Variants in AGBL2 observed in about 807,000 individuals in gnomAD.
AGBL2 encodes the protein AGBL carboxypeptidase 2.
In AGBL2, 87 loss-of-function variants were observed where a neutral mutation model predicts 103.0. The ratio of observed to expected loss-of-function variants is 0.84; its 90% CI spans 0.71 to 1.01. The LOEUF is 1.01. Among genes scored for constraint, AGBL2 ranks in the 50% least tolerant of loss-of-function variants. The pLI, the probability that AGBL2 is intolerant of heterozygous loss-of-function variation, is 0.00. For missense variants in AGBL2, 904 were observed against 1,023.5 expected (o/e 0.88, Z 1.59); for synonymous variants, 335 against 356.7 (o/e 0.94, Z 0.69).
chr11:47,691,729 AAT>A (rs1554960982), intron 9 of AGBL2, among the ~76,000 whole-genome samples: 4 of 4,854 alleles, frequency 8.2e-4, no homozygotes, highest in East Asian at 0.011. Context: ...AAAAAAAAAA[AAT>A]ATATATATAT....
chr11:47,667,519 T>A (rs1332570525), intron 16 of AGBL2, 52 bp downstream of exon 16: 2 of 1,597,778 alleles, frequency 1.3e-6, no homozygotes, highest in Non-Finnish European at 1.7e-6. Context: ...CTTATCCCTC[T>A]ATGGAATGGT....
chr11:47,669,680 T>TA (rs78511252), intron 14 of AGBL2, among the ~76,000 whole-genome samples: 176 of 143,038 alleles, frequency 1.2e-3, no homozygotes, highest in Admixed American at 3.5e-3. Context: ...GCTGTCTCAA[T>TA]AAAAAAAAAA....
chr11:47,698,950 ACT>A (rs2153804824), intron 8 of AGBL2, among the ~76,000 whole-genome samples: 1 of 143,896 alleles, frequency 6.9e-6, no homozygotes, highest in Non-Finnish European at 1.5e-5. Context: ...AATGTGTATG[ACT>A]TCAGTAGGAA....
intron 14 of AGBL2, among the ~76,000 whole-genome samples, chr11:47,675,364 C>T (rs1014481067): frequency 1.4e-5 from 2 of 147,958 alleles, no homozygotes; most frequent in Admixed American, 7.1e-5. Context: ...CATACCCCGA[C>T]CCCCTGCTAA....
chr11:47,698,172 T>TG (rs1456979617), intron 8 of AGBL2, among the ~76,000 whole-genome samples: 2 of 144,538 alleles, frequency 1.4e-5, no homozygotes, highest in African/African-American at 5.2e-5. Flanking sequence ...TACATAATTT[T>TG]TTTTTTTTTT....
At chr11:47,692,598 G>T (rs2097452236) in intron 8 of AGBL2, among the ~76,000 whole-genome samples, 1 of 151,082 alleles carries the variant, frequency 6.6e-6, no homozygotes, top group Non-Finnish European at 1.5e-5. Context: ...ATATTTAGTA[G>T]AGACGGAGTT....
At position 47,692,404 on chromosome 11, in the gene AGBL2, CTTTTTTTTT is replaced by C. The variant is rs11286504; in HGVS notation, c.695-157_695-149del. 8 of 99,058 alleles carry C rather than the reference CTTTTTTTTT, an allele frequency of 8.1e-5. No homozygotes were observed. The East Asian group carries it at 1.0e-3, about 13-fold the overall frequency. The allele number at this position is 99,058 out of a possible 1,614,324, so 6.1% of individuals were successfully genotyped here. On this transcript the variant is annotated intron_variant, in intron 8 of 18. Coordinates refer to ENST00000525123, the MANE Select transcript of AGBL2 (RefSeq NM_024783.4). ...AACTATCTTTGCAGAGACTTTTAAT[CTTTTTTTTT>C]TTTTTTTTTTTTTTTTGGGACAGAG... is the stretch of plus-strand genomic sequence containing the variant.
chr11:47,691,477 A>G (rs935847310), intron 9 of AGBL2, among the ~76,000 whole-genome samples: 1 of 150,700 alleles, frequency 6.6e-6, no homozygotes, highest in African/African-American at 2.4e-5. Context: ...GGAGGCCGAG[A>G]CGGGCAGATC....
At chr11:47,682,440 T>C (rs1352660007) in intron 11 of AGBL2, among the ~76,000 whole-genome samples, 1 of 152,198 alleles carries the variant, frequency 6.6e-6, no homozygotes, top group East Asian at 1.9e-4. Context: ...TCCTTCCTGT[T>C]GTCCCCACCC....
intron 14 of AGBL2, among the ~76,000 whole-genome samples, chr11:47,669,785 G>A (rs954875081): frequency 1.3e-5 from 2 of 151,962 alleles, no homozygotes; most frequent in African/African-American, 4.8e-5. Context: ...CTAATTTTTT[G>A]TATTTTTAGT....
intron 3 of AGBL2, 110 bp from the exon 4 acceptor site, chr11:47,710,621 C>T: frequency 7.8e-7 from 1 of 1,289,862 alleles, no homozygotes; most frequent in African/African-American, 1.5e-5. Context: ...CACCACAGCC[C>T]TTTGCAATGA....
intron 7 of AGBL2, among the ~76,000 whole-genome samples, chr11:47,701,078 C>T (rs943284518): frequency 6.6e-6 from 1 of 151,052 alleles, no homozygotes. Flanking sequence ...AAACAAACAA[C>T]CAATAAGGTG....
chr11:47,707,898 AT>A (rs1396726517), intron 4 of AGBL2, among the ~76,000 whole-genome samples: 1 of 151,326 alleles, frequency 6.6e-6, no homozygotes, highest in Non-Finnish European at 1.5e-5. Context: ...TCTTTTACTC[AT>A]TTTTCTATTT....
In AGBL2 at chr11:47,690,152, C is replaced by T; in HGVS notation, c.1555G>A (p.Asp519Asn). ...GNYRCSLAGR[D>N]LNRHYKTILK... ...ATGGTTTTATAATGCCTGTTCAAAT[C>T]CCTTCCGGCCAAGGAACACCGATAA... Residue 519 changes from aspartate to asparagine, a missense_variant, in exon 10 of 19, where the codon GAT (aspartate) becomes AAT (asparagine). Transcript: ENST00000525123. 3 of 1,614,118 alleles carry T rather than the reference C, an allele frequency of 1.9e-6. No homozygotes were observed. The highest frequency in any genetic ancestry group is 1.7e-6 in the Non-Finnish European group (2 of 1,180,002).
At chr11:47,684,605 A>T (rs1448903087) in intron 11 of AGBL2, among the ~76,000 whole-genome samples, 2 of 151,880 alleles carry the variant, frequency 1.3e-5, no homozygotes, top group African/African-American at 4.8e-5. Flanking sequence ...ATAAATAAAT[A>T]AATAAATAAA....
At chr11:47,714,234 T>C in intron 3 of AGBL2, 50 bp downstream of exon 3, 1 of 1,472,756 alleles carries the variant, frequency 6.8e-7, no homozygotes, top group Non-Finnish European at 9.5e-7. Context: ...ACGAAGCAAT[T>C]TTCCTCTTGA....
At chr11:47,678,325 A>ATTT (rs1228331674) in intron 13 of AGBL2, among the ~76,000 whole-genome samples, 4 of 116,044 alleles carry the variant, frequency 3.4e-5, no homozygotes, top group African/African-American at 5.5e-5. Context: ...ATTTTATTTT[A>ATTT]TTTTATTTTA....
chr11:47,693,667 G>T (rs2097456423), intron 8 of AGBL2, among the ~76,000 whole-genome samples: 2 of 152,106 alleles, frequency 1.3e-5, no homozygotes, highest in Non-Finnish European at 2.9e-5. Context: ...TTCGAATTTT[G>T]TACTTCTTTT....
chr11:47,680,745 T>C (rs996553939), intron 12 of AGBL2, among the ~76,000 whole-genome samples: 11 of 148,172 alleles, frequency 7.4e-5, no homozygotes, highest in Non-Finnish European at 1.5e-4. Flanking sequence ...GAGCTGGGAT[T>C]GCGCCACTGC....
Sources: gnomAD v4.1 joint callset for allele counts (sites outside exome capture counted in the v4.1 genomes callset) on GRCh38, gnomAD v4.1.1 for gene constraint, MANE v1.5 for transcripts, NCBI Gene and HGNC (gene_info 2026-07-23, HGNC 2026-07-21) for gene names.